KLHL18: variants seen among roughly 807,000 people sequenced by gnomAD.
The protein encoded by KLHL18 is kelch-like protein 18.
In KLHL18, 38 loss-of-function variants were observed where a neutral mutation model predicts 58.5. That is an observed-to-expected ratio of 0.65 (90% CI 0.50 to 0.85). KLHL18 has a LOEUF of 0.85. KLHL18 is among the 40% of genes least tolerant of loss of function. The probability of loss-of-function intolerance (pLI) is 0.00; values close to 1 mark genes in which losing one functional copy is unlikely to be tolerated. For missense variants in KLHL18, 624 were observed against 778.4 expected, an observed-to-expected ratio of 0.80 and a Z score of 2.36; for synonymous variants, 303 against 301.9, an observed-to-expected ratio of 1.00 and a Z score of -0.04.
At chr3:47,314,335 A>T (rs1001186906) in intron 1 of KLHL18, among the ~76,000 whole-genome samples, 2 of 152,198 alleles carry the variant, frequency 1.3e-5, no homozygotes, top group African/African-American at 4.8e-5. Flanking sequence ...ATTACAAATG[A>T]GAGTGTTTGG....
intron 8 of KLHL18, among the ~76,000 whole-genome samples, chr3:47,342,197 G>A (rs1220202052): frequency 6.6e-6 from 1 of 152,210 alleles, no homozygotes; most frequent in African/African-American, 2.4e-5. Context: ...AATCCCTCTG[G>A]CTGGGTGGGG....
At chr3:47,333,042 T>C (rs1703900239) in intron 4 of KLHL18, 115 bp from the exon 5 acceptor site, 8 of 1,036,956 alleles carry the variant, frequency 7.7e-6, no homozygotes, top group South Asian at 3.4e-5. Context: ...GGAGAAAAGA[T>C]TGATGGGCCC....
At chr3:47,338,557 C>T (rs1417480294) in intron 7 of KLHL18, 1 of 152,208 alleles carries the variant, frequency 6.6e-6, no homozygotes, top group Admixed American at 6.5e-5. Flanking sequence ...TATGGTGGCT[C>T]ACGCCTATAA....
intron 1 of KLHL18, among the ~76,000 whole-genome samples, chr3:47,293,659 C>A (rs2107582386): frequency 6.6e-6 from 1 of 152,280 alleles, no homozygotes; most frequent in Middle Eastern, 3.4e-3. Context: ...ATTTTGAGGA[C>A]CAGCAAAACA....
At position 47,329,198 on chromosome 3, in the gene KLHL18, G is replaced by A. The variant is rs539017360; in HGVS notation, c.402-753G>A. Among the ~76,000 whole-genome samples the A allele has an allele frequency of 1.2e-4, 13 of 111,356 alleles. No homozygotes were observed. The South Asian group carries it at 4.0e-3, about 34-fold the overall frequency. The allele number at this position is 111,356 out of a possible 152,430, so 73.1% of individuals were successfully genotyped here. A position where few individuals can be genotyped will look rare whatever the true frequency, so the allele number is the denominator to read the frequency against. On this transcript the variant is annotated intron_variant, in intron 3 of 9. Transcript: ENST00000232766. ...CATACTAAAGAAGCCATCTGTCCGT[G>A]TTGTGTTTTTTTTGTTGTTGTTTTG...
chr3:47,320,613 G>A lies in KLHL18; in HGVS notation c.260+830G>A, dbSNP rs534936009. Among the ~76,000 whole-genome samples the A allele has an allele frequency of 4.6e-5, 7 of 152,232 alleles. No individual in the cohort carries two copies. In the South Asian group the frequency reaches 1.5e-3, roughly 32 times the overall value. On this transcript the variant is annotated intron_variant, in intron 2 of 9. Transcript: ENST00000232766. Reference sequence around the variant, plus strand: ...ACCGGAAGAGGATTTATATACCCATGGCAAGGTAGAAATCTCAGGTCAGGC... The same window carrying A: ...ACCGGAAGAGGATTTATATACCCATAGCAAGGTAGAAATCTCAGGTCAGGC...
chr3:47,323,354 G>C (rs748417053), intron 3 of KLHL18, among the ~76,000 whole-genome samples: 2 of 152,128 alleles, frequency 1.3e-5, no homozygotes, highest in Non-Finnish European at 2.9e-5. Context: ...TGGATTACAG[G>C]CATAAGCCAC....
At chr3:47,333,431 T>C (rs1703914069) in intron 5 of KLHL18, 114 bp downstream of exon 5, 18 of 1,045,818 alleles carry the variant, frequency 1.7e-5, no homozygotes, top group Non-Finnish European at 1.4e-6. Context: ...GTCTAATTCA[T>C]GGCACACAGA....
intron 1 of KLHL18, among the ~76,000 whole-genome samples, chr3:47,305,923 G>A (rs1209665193): frequency 2.0e-5 from 3 of 151,804 alleles, no homozygotes; most frequent in South Asian, 2.1e-4. Context: ...ATGATTGCGG[G>A]GTCTGTAGTA....
chr3:47,335,388 A>G (rs574342689), intron 6 of KLHL18, among the ~76,000 whole-genome samples: 9 of 152,308 alleles, frequency 5.9e-5, no homozygotes, highest in Middle Eastern at 6.8e-3. Flanking sequence ...CACATGCTTT[A>G]CAGTCCGTGG....
rs1306316372 is a variant in KLHL18 at position 47,343,813 on chromosome 3, G to A, written c.1597G>A (p.Asp533Asn). 1.9e-6 allele frequency: 3 copies of A among 1,614,084 alleles called. No individual in the cohort carries two copies. Among genetic ancestry groups the A allele is most frequent in the East Asian group, 2.2e-5 (1 of 44,886 alleles). The change falls in exon 10 of 10, where the codon GAC becomes AAC. Residue 533 changes from aspartate to asparagine, a missense_variant. Physicochemically the swap from Asp to Asn is conservative, Grantham distance 23. Transcript: ENST00000232766. ...GCGCCTCTACGCTGTTGGGGGCTAC[G>A]ACGGACAGTCAAACCTAAGCTCAGT... is the stretch of plus-strand genomic sequence containing the variant. ...CGRLYAVGGY[D>N]GQSNLSSVEM...
intron 3 of KLHL18, among the ~76,000 whole-genome samples, chr3:47,326,929 A>G (rs1020813192): frequency 1.3e-5 from 2 of 151,278 alleles, no homozygotes; most frequent in African/African-American, 4.9e-5. Flanking sequence ...CTCAAAAAAA[A>G]AGAAAAAAAA....
chr3:47,314,062 TTCTCTTGC>T, intron 1 of KLHL18, among the ~76,000 whole-genome samples: 1 of 152,148 alleles, frequency 6.6e-6, no homozygotes, highest in East Asian at 1.9e-4. Flanking sequence ...TTTCGAGACA[TTCTCTTGC>T]TCTGTTGCCC....
In KLHL18 at chr3:47,346,138, T is replaced by C. The variant is rs1454748577; in HGVS notation, c.*2197T>C. 6.6e-6 allele frequency: 1 copy of C among 152,568 alleles called. No individual in the cohort carries two copies. Among genetic ancestry groups the C allele is most frequent in the African/African-American group, 2.4e-5 (1 of 41,424 alleles). The allele number at this position is 152,568 out of a possible 1,614,324, so 9.5% of individuals were successfully genotyped here. A position where few individuals can be genotyped will look rare whatever the true frequency, so the allele number is the denominator to read the frequency against. Reference sequence around the variant, plus strand: ...GCCTGGATTGTGAAGGTATTAAGAATCGGTCTGTGGGCTACTGAGTGGGTC... The same window carrying C: ...GCCTGGATTGTGAAGGTATTAAGAACCGGTCTGTGGGCTACTGAGTGGGTC... On this transcript the variant is annotated 3_prime_UTR_variant, in exon 10 of 10. Coordinates refer to ENST00000232766, the MANE Select transcript of KLHL18 (RefSeq NM_025010.5).
In KLHL18 at chr3:47,305,594, G is replaced by C. The variant is rs573586961; in HGVS notation, c.130-14059G>C. On this transcript the variant is annotated intron_variant, in intron 1 of 9. Transcript: ENST00000232766. The stretch of plus-strand genomic sequence containing the variant: ...TTTCTTGTTTTATACTGTCTGTCTA[G>C]TTTTGGTACTAGGGTAATACTGCAT... Among the ~76,000 whole-genome samples, 14 of 152,016 alleles carry C rather than the reference G, an allele frequency of 9.2e-5. No homozygotes were observed. The South Asian group carries it at 2.7e-3, about 29-fold the overall frequency.
At chr3:47,286,511 C>T (rs917568040) in intron 1 of KLHL18, among the ~76,000 whole-genome samples, 1 of 152,236 alleles carries the variant, frequency 6.6e-6, no homozygotes, top group African/African-American at 2.4e-5. Context: ...CCCTGTCAGG[C>T]AGTGGTTCTT....
chr3:47,332,321 C>T (rs1465561046), intron 4 of KLHL18, among the ~76,000 whole-genome samples: 1 of 151,770 alleles, frequency 6.6e-6, no homozygotes, highest in Non-Finnish European at 1.5e-5. Flanking sequence ...CGCCACTGCA[C>T]TCCAGCCTGG....
chr3:47,309,779 C>T (rs1008757678), intron 1 of KLHL18, among the ~76,000 whole-genome samples: 1 of 152,222 alleles, frequency 6.6e-6, no homozygotes, highest in Non-Finnish European at 1.5e-5. Context: ...TGGCGGATCA[C>T]TCGCGGTTAG....
intron 8 of KLHL18, among the ~76,000 whole-genome samples, chr3:47,341,999 T>C (rs1261360719): frequency 1.3e-5 from 2 of 151,646 alleles, no homozygotes; most frequent in African/African-American, 4.9e-5. Context: ...GGCAGGAAGA[T>C]TGCTTGATTC....
Sources: gnomAD v4.1 joint callset for allele counts (sites outside exome capture counted in the v4.1 genomes callset) on GRCh38, gnomAD v4.1.1 for gene constraint, MANE v1.5 for transcripts, NCBI Gene and HGNC (gene_info 2026-07-23, HGNC 2026-07-21) for gene names.